The following ACAD9 variants were observed in gnomAD, a reference collection of about 807,000 sequenced individuals.
ACAD9 encodes acyl-CoA dehydrogenase family member 9.
Under a neutral mutation model 70.2 loss-of-function variants are expected in ACAD9, and 53 were observed. The ratio of observed to expected loss-of-function variants is 0.75; its 90% confidence interval spans 0.61 to 0.95. The LOEUF is 0.95. Ranked by LOEUF, ACAD9 falls within the 40% of genes least tolerant of loss-of-function variation. The probability of loss-of-function intolerance (pLI) is 0.00; values close to 1 mark genes in which losing one functional copy is unlikely to be tolerated. For missense variants in ACAD9, 777 were observed against 802.8 expected (o/e 0.97, Z 0.39); for synonymous variants, 313 against 312.1 (o/e 1.00, Z -0.03).
At chr3:128,910,881 T>G in intron 17 of ACAD9, 68 bp downstream of exon 17, 1 of 1,561,984 alleles carries the variant, frequency 6.4e-7, no homozygotes, top group Non-Finnish European at 8.8e-7. Context: ...GGTGAGCTGT[T>G]TCTGGACCCT....
At chr3:128,908,546 GAAGA>G (rs1353629063) in intron 13 of ACAD9, 2 of 577,228 alleles carry the variant, frequency 3.5e-6, no homozygotes, top group African/African-American at 3.8e-5. Flanking sequence ...TTCAGAACCT[GAAGA>G]ATGAGAGGTG....
chr3:128,889,306 G>A (rs192357329), intron 2 of ACAD9, among the ~76,000 whole-genome samples: 2 of 152,148 alleles, frequency 1.3e-5, no homozygotes, highest in Admixed American at 6.5e-5. Flanking sequence ...GAGACACCAC[G>A]CCCGGCCTAC....
intron 2 of ACAD9, among the ~76,000 whole-genome samples, chr3:128,888,609 T>G (rs1576332743): frequency 6.6e-6 from 1 of 152,082 alleles, no homozygotes; most frequent in African/African-American, 2.4e-5. Context: ...TTTGATCCTG[T>G]GGGACCCCCT....
rs747008981 is a variant in ACAD9, at chr3:128,907,539, T to A, written c.1279-646T>A. ...GCCAGGAGGCCCCTGCAGTCCCCCC[T>A]TTTCCTGTAGGGAGTCCTGCTGTCC... On this transcript the variant is annotated intron_variant, in intron 12 of 17. Coordinates refer to ENST00000308982, the MANE Select transcript of ACAD9 (RefSeq NM_014049.5). 2.9e-3 allele frequency among the ~76,000 whole-genome samples: 438 copies of A among 152,198 alleles called. 1 individual carries two copies. The highest frequency in any genetic ancestry group is 3.5e-3 in the Non-Finnish European group (241 of 67,978).
chr3:128,909,455 G>A (rs775636113), intron 15 of ACAD9, 34 bp downstream of exon 15: 9 of 1,607,246 alleles, frequency 5.6e-6, no homozygotes, highest in Middle Eastern at 1.8e-4. Context: ...GGTCGCAAGC[G>A]GTCCTCCAAT....
chr3:128,894,181 A>T (rs916803948), intron 3 of ACAD9, among the ~76,000 whole-genome samples: 2 of 152,200 alleles, frequency 1.3e-5, no homozygotes, highest in Non-Finnish European at 2.9e-5. Context: ...GTTTACCCTC[A>T]GGCCCTTTTG....
At position 128,902,562 on chromosome 3, in the gene ACAD9, A is replaced by G; in HGVS notation, c.892A>G (p.Asn298Asp). The G allele has an allele frequency of 6.2e-7, 1 of 1,614,130 alleles. No individual in the cohort carries two copies. Among genetic ancestry groups the G allele is most frequent in the South Asian group, 1.1e-5 (1 of 91,082 alleles). ...EVGDGFKVAM[N>D]ILNSGRFSMG... ...CCTGTTCTCCCTGCAGGTGGCCATG[A>G]ACATCCTCAACAGCGGCCGGTTCAG... Residue 298 changes from asparagine to aspartate, a missense_variant, in exon 9 of 18, where the codon AAC becomes GAC. Asn to Asp is a conservative substitution (Grantham distance 23, BLOSUM62 1). Transcript: ENST00000308982. The surrounding 1 kb of genome is among the most constrained non-coding windows in gnomAD (Gnocchi z 4.0).
At chr3:128,905,941 A>G (rs1935874692) in intron 11 of ACAD9, among the ~76,000 whole-genome samples, 180 bp from the exon 12 acceptor site, 1 of 152,142 alleles carries the variant, frequency 6.6e-6, no homozygotes, top group South Asian at 2.1e-4. Flanking sequence ...ATGGTGGGGT[A>G]GGGAACACAA....
Position 128,902,741 on chromosome 3 carries a change from A to G in ACAD9, c.958+113A>G. 1 of 1,222,570 alleles carries G rather than the reference A, an allele frequency of 8.2e-7. No individual in the cohort carries two copies. The highest frequency in any genetic ancestry group is 1.2e-6 in the Non-Finnish European group (1 of 847,882). 75.7% of individuals were successfully genotyped at this position (1,222,570 alleles called of 1,614,324 possible). On this transcript the variant is annotated intron_variant, in intron 9 of 17. Transcript: ENST00000308982. The surrounding 1 kb of genome is among the most constrained non-coding windows in gnomAD (Gnocchi z 4.0). ...TTCCAGGCCAGTGCTGAACCAGGCT[A>G]CCAGCCTGAGCTCAGTCCCTGGGCT...
At chr3:128,898,998 G>T (rs1384819727) in intron 6 of ACAD9, among the ~76,000 whole-genome samples, 2 of 152,178 alleles carry the variant, frequency 1.3e-5, no homozygotes, top group African/African-American at 4.8e-5. Flanking sequence ...TTGAAGAAAT[G>T]CAGTTGTCTG....
intron 2 of ACAD9, among the ~76,000 whole-genome samples, chr3:128,891,989 C>T (rs1467364549): frequency 6.6e-6 from 1 of 152,086 alleles, no homozygotes; most frequent in African/African-American, 2.4e-5. Context: ...TATTTATACA[C>T]GCAACAACAC....
intron 5 of ACAD9, among the ~76,000 whole-genome samples, chr3:128,896,790 T>C (rs1935582284): frequency 6.6e-6 from 1 of 152,240 alleles, no homozygotes; most frequent in African/African-American, 2.4e-5. Context: ...CAACACACCT[T>C]GACATACAAT....
chr3:128,912,464 C>A, intron 17 of ACAD9, 43 bp from the exon 18 acceptor site: 1 of 1,557,248 alleles, frequency 6.4e-7, no homozygotes, highest in Non-Finnish European at 8.9e-7. Flanking sequence ...TGTCTTATCA[C>A]GGTGCAGAAA....
intron 3 of ACAD9, 62 bp downstream of exon 3, chr3:128,893,718 C>A: frequency 1.4e-6 from 2 of 1,393,828 alleles, no homozygotes; most frequent in Non-Finnish European, 2.0e-6. Flanking sequence ...TGTATTTGTC[C>A]ATAACAGGTC....
rs769704279 is a variant in ACAD9, at chr3:128,893,553, A to G, written c.245-2A>G. On this transcript the variant is annotated splice_acceptor_variant, in intron 2 of 17. Transcript: ENST00000308982. LOFTEE classifies it high-confidence loss of function. Reference sequence around the variant, plus strand: ...GTTTAATCAAGATTTTCCTCTTGGCAGTGGACTCCCGAAAAATTGACCAGG... The same window carrying G: ...GTTTAATCAAGATTTTCCTCTTGGCGGTGGACTCCCGAAAAATTGACCAGG... 1.2e-6 allele frequency: 2 copies of G among 1,612,248 alleles called. No homozygotes were observed. The highest frequency in any genetic ancestry group is 2.2e-5 in the South Asian group (2 of 91,046).
intron 12 of ACAD9, 71 bp from the exon 13 acceptor site, chr3:128,908,114 C>T: frequency 6.9e-7 from 1 of 1,451,006 alleles, no homozygotes; most frequent in Non-Finnish European, 9.7e-7. Context: ...CCGGCTCTAC[C>T]CAGCACACGT....
chr3:128,909,358 G>A lies in ACAD9; in HGVS notation c.1500G>A (p.Lys500=), dbSNP rs1936037592. The A allele has an allele frequency of 6.2e-7, 1 of 1,614,194 alleles. No homozygotes were observed. Among genetic ancestry groups the A allele is most frequent in the South Asian group, 1.1e-5 (1 of 91,084 alleles). The change falls in exon 15 of 18, where the codon AAG becomes AAA. Residue 500 remains lysine, a synonymous_variant. Transcript: ENST00000308982. ...TTGGTTAATAGGACAGTGCCAACAA[G>A]TTTGAGGAGAACACCTACTGCTTCG... is the stretch of plus-strand genomic sequence containing the variant. ...VHPSLADSAN[K]FEENTYCFGR... is the part of the protein sequence containing the mutation.
chr3:128,909,011 C>T lies in ACAD9; in HGVS notation c.1397C>T (p.Thr466Ile). 1.2e-6 allele frequency: 2 copies of T among 1,614,180 alleles called. No individual in the cohort carries two copies. The highest frequency in any genetic ancestry group is 1.7e-6 in the Non-Finnish European group (2 of 1,180,036). Reference protein sequence around the residue: ...KQAKVSTVMDTVGRRLRDSLG... With the variant: ...KQAKVSTVMDIVGRRLRDSLG... ...GCCAAAGTGAGCACAGTCATGGATACCGTTGGCCGGAGGCTTCGGGACTCC... is the reference window on the plus strand; with the variant it reads ...GCCAAAGTGAGCACAGTCATGGATATCGTTGGCCGGAGGCTTCGGGACTCC... Residue 466 changes from threonine (T) to isoleucine (I), a missense_variant, in exon 14 of 18, where the codon ACC becomes ATC. Thr to Ile is a moderately conservative substitution (Grantham distance 89). Transcript: ENST00000308982.
In ACAD9 at chr3:128,879,745, G is replaced by C; in HGVS notation, c.54G>C (p.Arg18=). 6.2e-7 allele frequency: 1 copy of C among 1,613,268 alleles called. No individual in the cohort carries two copies. The highest frequency in any genetic ancestry group is 8.5e-7 in the Non-Finnish European group (1 of 1,179,978). Residue 18 remains arginine (R), a synonymous_variant, in exon 1 of 18, where the codon CGG becomes CGC. Transcript: ENST00000308982. ...LRTTAAARAC[R]GLVVSTANRR... is the part of the protein sequence containing the mutation. The stretch of plus-strand genomic sequence containing the variant: ...CCACGGCTGCGGCTCGTGCCTGCCG[G>C]GGTCTGGTGGTCTCTACCGCGAACC...
Sources: gnomAD v4.1 joint callset for allele counts (sites outside exome capture counted in the v4.1 genomes callset) on GRCh38, gnomAD v4.1.1 for gene constraint, Gnocchi (gnomAD v3.1) non-coding constraint, MANE v1.5 for transcripts, NCBI Gene and HGNC (gene_info 2026-07-23, HGNC 2026-07-21) for gene names.